ZNF711: variants seen among roughly 807,000 people sequenced by gnomAD.
The protein encoded by ZNF711 is ZFX family zinc finger ZNF711, also known as zinc finger protein 711.
ZNF711 carries 3 observed loss-of-function variants against 43.5 expected under a neutral mutation model. The observed-to-expected ratio is 0.07, with a 90% CI of 0.03 to 0.18. ZNF711 has a LOEUF of 0.18. ZNF711 is among the 10% of genes least tolerant of loss of function. The pLI is 1.00. For missense variants in ZNF711, 412 were observed against 604.0 expected (o/e 0.68, Z 3.33); for synonymous variants, 209 against 207.7 (o/e 1.01, Z -0.06).
At chrX:85,254,438 A>G (rs1467877060) in intron 4 of ZNF711, among the ~76,000 whole-genome samples, 3 of 81,862 alleles carry the variant, frequency 3.7e-5, no homozygotes, top group African/African-American at 5.7e-5. Flanking sequence ...CCCCGTCTCT[A>G]CTAAAAAAAA....
Position 85,273,314 on chromosome X carries a change from T to C in ZNF711, c.*1486T>C, listed in dbSNP as rs1046244989. ...GTTATGTGGGATTATTATTTCTAAATGTTACTCATTGAAATGAGCATACAA... is the reference window on the plus strand; with the variant it reads ...GTTATGTGGGATTATTATTTCTAAACGTTACTCATTGAAATGAGCATACAA... On this transcript the variant is annotated 3_prime_UTR_variant, in exon 11 of 11. Coordinates refer to ENST00000674551, the MANE Select transcript of ZNF711 (RefSeq NM_001330574.2). The C allele has an allele frequency of 3.6e-5, 4 of 112,131 alleles. No homozygotes were observed. Among genetic ancestry groups the C allele is most frequent in the African/African-American group, 1.3e-4 (4 of 30,874 alleles). 9.2% of individuals were successfully genotyped at this position (112,131 alleles called of 1,213,427 possible). A position where few individuals can be genotyped will look rare whatever the true frequency, so the allele number is the denominator to read the frequency against.
intron 1 of ZNF711, among the ~76,000 whole-genome samples, chrX:85,245,452 C>T (rs184172506): frequency 2.6e-3 from 287 of 112,158 alleles, no homozygotes; most frequent in African/African-American, 9.0e-3. Flanking sequence ...ATTGAAACTT[C>T]CTATGTGGGG....
At chrX:85,256,227 A>G (rs1017870718) in intron 5 of ZNF711, among the ~76,000 whole-genome samples, 6 of 87,460 alleles carry the variant, frequency 6.9e-5, no homozygotes, top group Admixed American at 5.6e-4. Context: ...TTGATTTTTA[A>G]ATTAAATACT....
chrX:85,257,962 G>T (rs1186956931), intron 5 of ZNF711, among the ~76,000 whole-genome samples: 1 of 112,963 alleles, frequency 8.9e-6, no homozygotes, highest in African/African-American at 3.2e-5. Context: ...AACCACTATG[G>T]AAAACAGTGT....
rs753972416 is a variant in ZNF711 at position 85,271,872 on chromosome X, G to T, written c.*44G>T. ...AGAAGCTATTTAGGAGATATGATAT[G>T]CTACTTGGGAGAAAACTCTCACTAA... is the stretch of plus-strand genomic sequence containing the variant. On this transcript the variant is annotated 3_prime_UTR_variant, in exon 11 of 11. Coordinates refer to ENST00000674551, the MANE Select transcript of ZNF711 (RefSeq NM_001330574.2). 9.3e-6 allele frequency: 10 copies of T among 1,069,732 alleles called. No individual in the cohort carries two copies. The East Asian group carries it at 3.1e-4, about 33-fold the overall frequency. 88.2% of individuals were successfully genotyped at this position (1,069,732 alleles called of 1,213,427 possible).
chrX:85,264,511 C>A, intron 6 of ZNF711, 81 bp downstream of exon 6: 1 of 939,050 alleles, frequency 1.1e-6, no homozygotes, highest in East Asian at 3.3e-5. Flanking sequence ...TAAAAATGTT[C>A]TCAAAGCATG....
rs1346253015 is a variant in ZNF711 at position 85,273,283 on chromosome X, G to T, written c.*1455G>T. 8.9e-6 allele frequency: 1 copy of T among 111,733 alleles called. No homozygotes were observed. Among genetic ancestry groups the T allele is most frequent in the African/African-American group, 3.3e-5 (1 of 30,769 alleles). 9.2% of individuals were successfully genotyped at this position (111,733 alleles called of 1,213,427 possible). On this transcript the variant is annotated 3_prime_UTR_variant, in exon 11 of 11. Coordinates refer to ENST00000674551, the MANE Select transcript of ZNF711 (RefSeq NM_001330574.2). The stretch of plus-strand genomic sequence containing the variant: ...GATGTACACGCTGTAAAATAAGATC[G>T]CTACTGTTATGTGGGATTATTATTT...
chrX:85,247,710 T>C (rs771370424), intron 4 of ZNF711, 59 bp downstream of exon 4: 609 of 967,193 alleles, frequency 6.3e-4, no homozygotes, highest in Non-Finnish European at 8.7e-4. Context: ...ATAATAAAAA[T>C]CAAAAATAAG....
At chrX:85,264,746 A>G in intron 6 of ZNF711, among the ~76,000 whole-genome samples, 1 of 110,627 alleles carries the variant, frequency 9.0e-6, no homozygotes, top group Middle Eastern at 4.7e-3. Context: ...TTGGGTTTTA[A>G]ATAGGTCCTG....
At chrX:85,270,216 A>G in intron 10 of ZNF711, 70 bp downstream of exon 10, 2 of 1,088,655 alleles carry the variant, frequency 1.8e-6, no homozygotes, top group Non-Finnish European at 2.5e-6. Context: ...CCAAAGAAAA[A>G]TATCGATGGT....
chrX:85,251,091 C>T (rs1222789305), intron 4 of ZNF711, among the ~76,000 whole-genome samples: 1 of 111,005 alleles, frequency 9.0e-6, no homozygotes, highest in Non-Finnish European at 1.9e-5. Flanking sequence ...ATTCTGTTAG[C>T]GTCAAAACTT....
Position 85,247,657 on chromosome X carries a change from G to C in ZNF711, c.79+6G>C. ...CATGATTATGCAAGATTTTGGTAAAGCATTTTCTTTGTTGTATTTTTTTCT... is the reference window on the plus strand; with the variant it reads ...CATGATTATGCAAGATTTTGGTAAACCATTTTCTTTGTTGTATTTTTTTCT... On this transcript the variant is annotated splice_donor_region_variant and intron_variant, in intron 4 of 10. Coordinates refer to ENST00000674551, the MANE Select transcript of ZNF711 (RefSeq NM_001330574.2). The C allele has an allele frequency of 8.3e-7, 1 of 1,202,357 alleles. No individual in the cohort carries two copies. Among genetic ancestry groups the C allele is most frequent in the Non-Finnish European group, 1.1e-6 (1 of 887,073 alleles).
intron 5 of ZNF711, among the ~76,000 whole-genome samples, chrX:85,259,558 A>G (rs1282255806): frequency 9.0e-6 from 1 of 110,823 alleles, no homozygotes; most frequent in African/African-American, 3.3e-5. Context: ...TGTTTGTGTC[A>G]TCTGTGATTT....
rs1931604577 is a variant in ZNF711 at position 85,271,959 on chromosome X, A to T, written c.*131A>T. ...TGACTTTACATTCTTTGTATTAAAG[A>T]TCTTAAAATATTTGAATTCACAGGG... On this transcript the variant is annotated 3_prime_UTR_variant, in exon 11 of 11. Coordinates refer to ENST00000674551, the MANE Select transcript of ZNF711 (RefSeq NM_001330574.2). 1.9e-6 allele frequency: 1 copy of T among 528,922 alleles called. No homozygotes were observed. Among genetic ancestry groups the T allele is most frequent in the Non-Finnish European group, 3.1e-6 (1 of 320,691 alleles). The allele number at this position is 528,922 out of a possible 1,213,427, so 43.6% of individuals were successfully genotyped here.
At position 85,271,682 on chromosome X, in the gene ZNF711, A is replaced by G. The variant is rs1433006040; in HGVS notation, c.2278A>G (p.Thr760Ala). The G allele has an allele frequency of 8.3e-7, 1 of 1,210,688 alleles. No homozygotes were observed. Among genetic ancestry groups the G allele is most frequent in the Admixed American group, 2.2e-5 (1 of 45,902 alleles). The change falls in exon 11 of 11, where the codon ACA becomes GCA. Residue 760 changes from threonine to alanine, a missense_variant. This residue lies in a region of ZNF711 where 25 missense variants were observed against 52.9 expected (regional missense o/e 0.47). Coordinates refer to ENST00000674551, the MANE Select transcript of ZNF711 (RefSeq NM_001330574.2). ...YQCEYCEYST[T>A]DASGFKRHVI... Reference sequence around the variant, plus strand: ...ATGTGAGTATTGTGAATACAGCACTACAGATGCATCTGGCTTTAAACGACA... The same window carrying G: ...ATGTGAGTATTGTGAATACAGCACTGCAGATGCATCTGGCTTTAAACGACA...
chrX:85,257,682 T>A (rs1930291371), intron 5 of ZNF711, among the ~76,000 whole-genome samples: 1 of 112,691 alleles, frequency 8.9e-6, no homozygotes, highest in Non-Finnish European at 1.9e-5. Context: ...ATTGGATGTA[T>A]ACCCAGAGTG....
At chrX:85,259,603 G>A (rs1930463676) in intron 5 of ZNF711, among the ~76,000 whole-genome samples, 1 of 110,754 alleles carries the variant, frequency 9.0e-6, no homozygotes. Flanking sequence ...CCTCGTAGAG[G>A]TTTTTCACCT....
intron 8 of ZNF711, 57 bp from the exon 9 acceptor site, chrX:85,268,237 A>G (rs1931266451): frequency 3.6e-6 from 4 of 1,123,353 alleles, no homozygotes; most frequent in African/African-American, 3.9e-5. Context: ...ACTAGTAGTC[A>G]TTATAATTAG....
intron 4 of ZNF711, among the ~76,000 whole-genome samples, chrX:85,250,579 GT>G (rs770029181): frequency 9.0e-6 from 1 of 111,362 alleles, no homozygotes; most frequent in Non-Finnish European, 1.9e-5. Context: ...TGAGTTAGTG[GT>G]TTTTTCAAAT....
Sources: allele counts gnomAD v4.1 joint callset (sites outside exome capture counted in the v4.1 genomes callset), GRCh38; gene constraint gnomAD v4.1.1; regional missense constraint gnomAD v4.1.1; transcripts MANE v1.5; gene names NCBI Gene and HGNC (gene_info 2026-07-23, HGNC 2026-07-21).